The following BCR variants were observed in gnomAD, a reference collection of about 807,000 sequenced individuals.
BCR encodes BCR activator of RhoGEF and GTPase, also known as breakpoint cluster region protein.
Under a neutral mutation model 138.6 loss-of-function variants are expected in BCR, and 58 were observed. The ratio of observed to expected loss-of-function variants is 0.42; its 90% CI spans 0.34 to 0.52. BCR has a LOEUF of 0.52. Among genes scored for constraint, BCR ranks in the 20% least tolerant of loss-of-function variants. BCR has a pLI of 0.06. For synonymous variants in BCR, 786 were observed against 730.1 expected (o/e 1.08, Z -1.23); for missense variants, 1,599 against 1,727.2 (o/e 0.93, Z 1.32).
chr22:23,310,703 G>A (rs2073997613), intron 18 of BCR, among the ~76,000 whole-genome samples: 1 of 152,160 alleles, frequency 6.6e-6, no homozygotes, highest in African/African-American at 2.4e-5. Flanking sequence ...ATTTATCACG[G>A]TCCCAGATTC....
chr22:23,218,279 A>C (rs1030913359), intron 1 of BCR, among the ~76,000 whole-genome samples: 3 of 152,194 alleles, frequency 2.0e-5, no homozygotes, highest in Admixed American at 1.3e-4. Context: ...TGAGGATTGC[A>C]GGAGGTGACC....
intron 1 of BCR, among the ~76,000 whole-genome samples, chr22:23,225,301 G>T (rs1200763161): frequency 3.9e-5 from 6 of 152,124 alleles, no homozygotes; most frequent in Admixed American, 3.9e-4. Flanking sequence ...AGCGTGCATG[G>T]TGATTATTTT....
chr22:23,241,210 A>G (rs2073086753), intron 1 of BCR, among the ~76,000 whole-genome samples: 2 of 152,122 alleles, frequency 1.3e-5, no homozygotes, highest in African/African-American at 4.8e-5. Context: ...CAAGACCGAG[A>G]TGGGGGAAGA....
rs183473108 is a variant in BCR at position 23,300,170 on chromosome 22, A to G, written c.3012+5015A>G. Among the ~76,000 whole-genome samples, 245 of 152,230 alleles carry G rather than the reference A, an allele frequency of 1.6e-3. 3 individuals are homozygous for G. The highest frequency in any genetic ancestry group is 6.8e-3 in the Middle Eastern group (2 of 294). Reference sequence around the variant, plus strand: ...ACTGAAACTCTACACCCATTAAACAATAACTCCCAGGGGGGCAGGTGCAAA... The same window carrying G: ...ACTGAAACTCTACACCCATTAAACAGTAACTCCCAGGGGGGCAGGTGCAAA... On this transcript the variant is annotated intron_variant, in intron 16 of 22. Transcript: ENST00000305877.
Position 23,314,130 on chromosome 22 carries a change from C to G in BCR, c.3563+57C>G, listed in dbSNP as rs934386853. ...TCCAGGTCCCCAGGCCGCAGAGTGCCCCTCTGCTCCCACTAGACCCCCAAC... is the reference window on the plus strand; with the variant it reads ...TCCAGGTCCCCAGGCCGCAGAGTGCGCCTCTGCTCCCACTAGACCCCCAAC... On this transcript the variant is annotated intron_variant, in intron 21 of 22. Transcript: ENST00000305877. The G allele has an allele frequency of 1.0e-5, 14 of 1,366,142 alleles. No individual in the cohort carries two copies. The African/African-American group carries it at 2.0e-4, about 20-fold the overall frequency. The allele number at this position is 1,366,142 out of a possible 1,614,324, so 84.6% of individuals were successfully genotyped here.
chr22:23,259,959 G>T (rs2073338533), intron 2 of BCR, among the ~76,000 whole-genome samples: 1 of 152,186 alleles, frequency 6.6e-6, no homozygotes, highest in Non-Finnish European at 1.5e-5. Context: ...CAGCGCTCCA[G>T]CCTGAGCGAC....
chr22:23,290,038 A>G (rs1035657590), intron 13 of BCR: 4 of 530,680 alleles, frequency 7.5e-6, no homozygotes, highest in Non-Finnish European at 1.4e-5. Flanking sequence ...CGCTATGCAC[A>G]TGTGTCCACA....
At chr22:23,202,735 GTGTGTGTGTGTGTATATA>G (rs911169873) in intron 1 of BCR, among the ~76,000 whole-genome samples, 147 of 148,196 alleles carry the variant, frequency 9.9e-4, no homozygotes, top group African/African-American at 3.8e-3. Flanking sequence ...GTGTGTGTGT[GTGTGTGTGTGTGTATATA>G]TATATATATT....
At chr22:23,223,796 G>C (rs1274234827) in intron 1 of BCR, among the ~76,000 whole-genome samples, 2 of 152,174 alleles carry the variant, frequency 1.3e-5, no homozygotes, top group Non-Finnish European at 2.9e-5. Context: ...CTCTCCTCCT[G>C]CCATTGACAG....
chr22:23,299,190 G>A (rs994719914), intron 16 of BCR, among the ~76,000 whole-genome samples: 4 of 151,862 alleles, frequency 2.6e-5, no homozygotes, highest in African/African-American at 9.7e-5. Context: ...TAGAGATGGG[G>A]TTTCACCGTG....
At chr22:23,312,461 G>A (rs1828305788) in intron 19 of BCR, 1 of 180,212 alleles carries the variant, frequency 5.5e-6, no homozygotes, top group South Asian at 1.3e-4. Context: ...CTGGCCTGTG[G>A]TGAGGATGTA....
chr22:23,297,207 G>GTTTTTTTTTTTT lies in BCR; in HGVS notation c.3012+2058_3012+2059insTTTTTTTTTTTT, dbSNP rs1307353327. Reference sequence around the variant, plus strand: ...GTGCCCCACCATGCCTGGCTAAGTTGTTTTTTGTTTTTTGTTTTTTTTTTT... The same window carrying GTTTTTTTTTTTT: ...GTGCCCCACCATGCCTGGCTAAGTTGTTTTTTTTTTTTTTTTTTGTTTTTTGTTTTTTTTTTT... On this transcript the variant is annotated intron_variant, in intron 16 of 22. Coordinates refer to ENST00000305877, the MANE Select transcript of BCR (RefSeq NM_004327.4). 1.4e-4 allele frequency among the ~76,000 whole-genome samples: 14 copies of GTTTTTTTTTTTT among 97,392 alleles called. 1 individual carries two copies. The Admixed American group carries it at 1.4e-3, about 10-fold the overall frequency. The allele number at this position is 97,392 out of a possible 152,430, so 63.9% of individuals were successfully genotyped here. A position where few individuals can be genotyped will look rare whatever the true frequency, so the allele number is the denominator to read the frequency against.
intron 1 of BCR, among the ~76,000 whole-genome samples, chr22:23,247,340 G>T (rs2073168226): frequency 6.6e-6 from 1 of 152,232 alleles, no homozygotes; most frequent in African/African-American, 2.4e-5. Flanking sequence ...TTGGCTGCCA[G>T]TGTAAACAAG....
At chr22:23,287,635 A>G (rs1227435102) in intron 11 of BCR, among the ~76,000 whole-genome samples, 1 of 152,194 alleles carries the variant, frequency 6.6e-6, no homozygotes, top group Non-Finnish European at 1.5e-5. Flanking sequence ...TGCCATCTGT[A>G]ACCTGGGCCT....
intron 1 of BCR, among the ~76,000 whole-genome samples, chr22:23,224,305 C>T (rs988858974): frequency 6.6e-6 from 1 of 152,138 alleles, no homozygotes; most frequent in African/African-American, 2.4e-5. Context: ...GACCGAGGTC[C>T]AGGTGGTGGT....
intron 2 of BCR, 46 bp from the exon 3 acceptor site, chr22:23,260,904 C>A (rs1176824356): frequency 4.5e-6 from 7 of 1,564,654 alleles, no homozygotes; most frequent in South Asian, 2.2e-5. Flanking sequence ...ATGGAAGAAT[C>A]CCCCTACCAC....
intron 1 of BCR, among the ~76,000 whole-genome samples, chr22:23,219,944 G>A (rs1042753232): frequency 6.6e-6 from 1 of 152,018 alleles, no homozygotes; most frequent in Non-Finnish European, 1.5e-5. Flanking sequence ...CCGCCTTCTC[G>A]CCTCCAAGTC....
intron 1 of BCR, among the ~76,000 whole-genome samples, chr22:23,221,459 G>A (rs915391511): frequency 6.6e-6 from 1 of 152,188 alleles, no homozygotes; most frequent in African/African-American, 2.4e-5. Context: ...CCTCCCTTAG[G>A]ACCAGAGCAG....
At chr22:23,253,132 A>T (rs1267286423) in intron 1 of BCR, among the ~76,000 whole-genome samples, 1 of 152,218 alleles carries the variant, frequency 6.6e-6, no homozygotes, top group African/African-American at 2.4e-5. Flanking sequence ...CAACTCAGGA[A>T]CAGCCATATG....
Sources: allele counts gnomAD v4.1 joint callset (sites outside exome capture counted in the v4.1 genomes callset), GRCh38; gene constraint gnomAD v4.1.1; transcripts MANE v1.5; gene names NCBI Gene and HGNC (gene_info 2026-07-23, HGNC 2026-07-21).